Variants in ADGRV1 observed in about 807,000 individuals in gnomAD.
ADGRV1 encodes adhesion G protein-coupled receptor V1.
ADGRV1 carries 359 observed loss-of-function variants against 596.2 expected under a neutral mutation model. The observed-to-expected ratio is 0.60, with a 90% CI of 0.55 to 0.66. The LOEUF is 0.66. Among genes scored for constraint, ADGRV1 ranks in the 30% least tolerant of loss-of-function variants. ADGRV1 has a pLI of 0.00. For synonymous variants in ADGRV1, 2,681 were observed against 2,679.2 expected (o/e 1.00, Z -0.02); for missense variants, 7,274 against 7,575.6 (o/e 0.96, Z 1.48).
At chr5:90,965,567 C>A (rs780020869) in intron 84 of ADGRV1, 36 bp downstream of exon 84, 6 of 1,223,638 alleles carry the variant, frequency 4.9e-6, no homozygotes, top group South Asian at 2.5e-5. Context: ...CCCCTTTAAT[C>A]TTTTAATGAA....
chr5:90,941,953 T>C (rs1183871841), intron 83 of ADGRV1, among the ~76,000 whole-genome samples: 1 of 152,230 alleles, frequency 6.6e-6, no homozygotes, highest in Non-Finnish European at 1.5e-5. Context: ...AGCCTTATAT[T>C]GGAGCAATTT....
intron 83 of ADGRV1, among the ~76,000 whole-genome samples, chr5:90,956,128 C>T (rs1396773663): frequency 6.6e-6 from 1 of 152,016 alleles, no homozygotes; most frequent in Non-Finnish European, 1.5e-5. Context: ...CAAGGAATTC[C>T]ATAAGAAAGT....
chr5:91,065,402 A>G (rs1270382801), intron 85 of ADGRV1, among the ~76,000 whole-genome samples: 2 of 152,216 alleles, frequency 1.3e-5, no homozygotes, highest in Admixed American at 6.5e-5. Context: ...TTCATTACCT[A>G]TGTAACCCAG....
chr5:90,651,025 C>G (rs887048273), intron 17 of ADGRV1, among the ~76,000 whole-genome samples: 1 of 152,088 alleles, frequency 6.6e-6, no homozygotes, highest in Non-Finnish European at 1.5e-5. Context: ...ATATACTGTG[C>G]AAAGAACTGG....
intron 10 of ADGRV1, among the ~76,000 whole-genome samples, chr5:90,636,173 A>C (rs909978138): frequency 1.3e-5 from 2 of 148,240 alleles, no homozygotes; most frequent in Non-Finnish European, 3.0e-5. Flanking sequence ...CCACCCCGAC[A>C]TGCCCTGGTT....
chr5:91,021,557 G>C (rs766439299), intron 85 of ADGRV1, among the ~76,000 whole-genome samples: 1 of 152,070 alleles, frequency 6.6e-6, no homozygotes, highest in African/African-American at 2.4e-5. Flanking sequence ...CAGTGAACCA[G>C]GTTAGAGACT....
rs755829853 is a variant in ADGRV1 at position 90,985,373 on chromosome 5, G to A, written c.18003G>A (p.Met6001Ile). The A allele has an allele frequency of 6.2e-7, 1 of 1,613,062 alleles. No individual in the cohort carries two copies. Among genetic ancestry groups the A allele is most frequent in the East Asian group, 2.2e-5 (1 of 44,852 alleles). The change falls in exon 85 of 90, where the codon ATG becomes ATA. Residue 6001 changes from methionine (M) to isoleucine (I), a missense_variant. Physicochemically the swap from Met to Ile is conservative, Grantham distance 10. Coordinates refer to ENST00000405460, the MANE Select transcript of ADGRV1 (RefSeq NM_032119.4). Reference sequence around the variant, plus strand: ...TGAATTTCTGGTACGTGCTGGTGATGAATGATGAGCACACAGAGAGGCGAT... The same window carrying A: ...TGAATTTCTGGTACGTGCTGGTGATAAATGATGAGCACACAGAGAGGCGAT... Reference protein sequence around the residue: ...QSVNFWYVLVMNDEHTERRYL... With the variant: ...QSVNFWYVLVINDEHTERRYL...
rs761082938 is a variant in ADGRV1, at chr5:90,694,109, G to A, written c.7353G>A (p.Ala2451=). Residue 2451 remains alanine, a synonymous_variant, in exon 33 of 90, where the codon GCG becomes GCA. Transcript: ENST00000405460. ...GCCTTAAGGAACAAGCTTGCTCAGC[G>A]TTTTCATTTTTCAGTGCTTCTGAGG... ...TLCLKEQACS[A]FSFFSASEGP... is the part of the protein sequence containing the mutation. The A allele has an allele frequency of 9.9e-6, 16 of 1,613,648 alleles. No individual in the cohort carries two copies. Among genetic ancestry groups the A allele is most frequent in the Non-Finnish European group, 1.1e-5 (13 of 1,179,834 alleles).
At chr5:91,144,800 G>C (rs907755726) in intron 87 of ADGRV1, among the ~76,000 whole-genome samples, 11 of 152,340 alleles carry the variant, frequency 7.2e-5, no homozygotes, top group African/African-American at 2.4e-4. Context: ...TGTTGTATTT[G>C]TGAGTAACTT....
rs1379310469 is a variant in ADGRV1, at chr5:90,716,498, C to T, written c.9216C>T (p.Gly3072=). Residue 3072 remains glycine, a synonymous_variant, in exon 43 of 90, where the codon GGC becomes GGT. Transcript: ENST00000405460. The part of the protein sequence containing the change: ...ALIIVLANDD[G]PGVLSFNNSE... ...TTATTGTCCTTGCTAATGATGACGG[C>T]CCTGGAGTTCTATCATTTAACAACA... 5.0e-6 allele frequency: 8 copies of T among 1,604,424 alleles called. No individual in the cohort carries two copies. The highest frequency in any genetic ancestry group is 6.0e-6 in the Non-Finnish European group (7 of 1,174,232).
chr5:91,071,646 A>G (rs1328691107), intron 85 of ADGRV1, among the ~76,000 whole-genome samples: 1 of 152,078 alleles, frequency 6.6e-6, no homozygotes, highest in Non-Finnish European at 1.5e-5. Context: ...AGATGCTATT[A>G]TAATCCTTAT....
At chr5:90,708,626 A>G (rs1164963362) in intron 38 of ADGRV1, among the ~76,000 whole-genome samples, 190 bp from the exon 39 acceptor site, 1 of 152,050 alleles carries the variant, frequency 6.6e-6, no homozygotes, top group Non-Finnish European at 1.5e-5. Flanking sequence ...CAACCTAATT[A>G]CTTCCTATAC....
chr5:90,967,619 C>G (rs1489815095), intron 84 of ADGRV1, among the ~76,000 whole-genome samples: 1 of 152,046 alleles, frequency 6.6e-6, no homozygotes, highest in African/African-American at 2.4e-5. Flanking sequence ...TGATTCATTA[C>G]TTGGATGAAA....
intron 85 of ADGRV1, among the ~76,000 whole-genome samples, chr5:91,067,747 C>G (rs1252120605): frequency 6.6e-6 from 1 of 152,124 alleles, no homozygotes; most frequent in African/African-American, 2.4e-5. Context: ...TGAAACCTAC[C>G]TGTGTTTCTT....
rs749751449 is a variant in ADGRV1 at position 90,705,477 on chromosome 5, C to T, written c.8464C>T (p.Pro2822Ser). 2 of 1,613,830 alleles carry T rather than the reference C, an allele frequency of 1.2e-6. No individual in the cohort carries two copies. Among genetic ancestry groups the T allele is most frequent in the South Asian group, 2.2e-5 (2 of 91,082 alleles). Reference sequence around the variant, plus strand: ...CCTCACAGTAGAAGCCAGTGATGAACCACATGGAGTTTTAAATTTTGCTCT... The same window carrying T: ...CCTCACAGTAGAAGCCAGTGATGAATCACATGGAGTTTTAAATTTTGCTCT... ...AVLTVEASDE[P>S]HGVLNFALSS... The change falls in exon 37 of 90, where the codon CCA (proline) becomes TCA (serine). Residue 2822 changes from proline (P) to serine (S), a missense_variant. Around this residue, in one of 5 missense-constraint regions of ADGRV1, gnomAD observed 3,643 missense variants for 3,809.2 expected, o/e 0.96. Coordinates refer to ENST00000405460, the MANE Select transcript of ADGRV1 (RefSeq NM_032119.4).
chr5:90,698,060 G>A (rs1047722381), intron 34 of ADGRV1, among the ~76,000 whole-genome samples: 1 of 152,040 alleles, frequency 6.6e-6, no homozygotes, highest in South Asian at 2.1e-4. Context: ...CAACTTGCAA[G>A]TTTATTTATC....
chr5:90,573,484 T>A (rs1314677210), intron 1 of ADGRV1, among the ~76,000 whole-genome samples: 1 of 152,204 alleles, frequency 6.6e-6, no homozygotes, highest in Admixed American at 6.5e-5. Flanking sequence ...AGCATGCTAC[T>A]GTATTGAATA....
chr5:90,592,259 A>G (rs560144622), intron 1 of ADGRV1, among the ~76,000 whole-genome samples: 37 of 152,348 alleles, frequency 2.4e-4, no homozygotes, highest in Admixed American at 1.4e-3. Context: ...TGTGGTATAT[A>G]TGTTCCATGG....
chr5:91,118,497 C>T (rs186241998), intron 87 of ADGRV1, among the ~76,000 whole-genome samples: 3 of 152,232 alleles, frequency 2.0e-5, no homozygotes, highest in South Asian at 2.1e-4. Flanking sequence ...GAGTTTATTC[C>T]GCTGGAGGAC....
Sources: gnomAD v4.1 joint callset for allele counts (sites outside exome capture counted in the v4.1 genomes callset) on GRCh38, gnomAD v4.1.1 for gene constraint, gnomAD v4.1.1 regional missense constraint, MANE v1.5 for transcripts, NCBI Gene and HGNC (gene_info 2026-07-23, HGNC 2026-07-21) for gene names.